MTMR8: variants seen among roughly 807,000 people sequenced by gnomAD.
MTMR8 encodes the protein phosphatidylinositol-3,5-bisphosphate 3-phosphatase MTMR8.
A neutral mutation model predicts 39.3 loss-of-function variants in MTMR8; 65 were observed. The observed-to-expected ratio is 1.65, with a 90% CI of 1.35 to 2.03. The LOEUF is 2.03. Ranked by LOEUF, MTMR8 falls within the 30% of genes most tolerant of loss-of-function variation. The pLI is 0.00. For synonymous variants in MTMR8, 245 were observed against 185.2 expected (o/e 1.32, Z -2.62); for missense variants, 777 against 538.9 (o/e 1.44, Z -4.37).
chrX:64,286,511 G>T lies in MTMR8; in HGVS notation c.1482-15438C>A, dbSNP rs777660824. 2.7e-5 allele frequency among the ~76,000 whole-genome samples: 3 copies of T among 111,456 alleles called. No individual in the cohort carries two copies. In the East Asian group the frequency reaches 8.5e-4, roughly 32 times the overall value. On this transcript the variant is annotated intron_variant, in intron 12 of 13. Transcript: ENST00000374852. ...AAAGCCTGGCAGAGACACAACAAAA[G>T]AAGATAATTTTAGACCAATATCCCT...
At chrX:64,327,683 A>G (rs746253951) in intron 12 of MTMR8, among the ~76,000 whole-genome samples, 162 of 112,635 alleles carry the variant, frequency 1.4e-3, no homozygotes, top group Non-Finnish European at 2.7e-3. Context: ...TACTGGGTAT[A>G]TATCCAAAGA....
At chrX:64,283,044 G>A (rs1350585077) in intron 12 of MTMR8, among the ~76,000 whole-genome samples, 1 of 112,248 alleles carries the variant, frequency 8.9e-6, no homozygotes. Flanking sequence ...CACCCAGGAA[G>A]CGCAAGGGGT....
At chrX:64,381,359 G>A (rs1444096152) in intron 1 of MTMR8, among the ~76,000 whole-genome samples, 1 of 111,407 alleles carries the variant, frequency 9.0e-6, no homozygotes, top group Non-Finnish European at 1.9e-5. Context: ...GTGATGATGA[G>A]CATTTTTTCA....
intron 1 of MTMR8, 59 bp downstream of exon 1, chrX:64,395,281 C>T (rs1924791061): frequency 1.7e-6 from 2 of 1,161,484 alleles, no homozygotes; most frequent in Non-Finnish European, 2.4e-6. Context: ...GTCTGGGCTC[C>T]CAGGTGAGCA....
At chrX:64,289,744 G>A (rs936677907) in intron 12 of MTMR8, among the ~76,000 whole-genome samples, 5 of 107,507 alleles carry the variant, frequency 4.7e-5, no homozygotes, top group Non-Finnish European at 5.7e-5. Context: ...AAATGAGGAA[G>A]CAACCCAACG....
intron 12 of MTMR8, among the ~76,000 whole-genome samples, chrX:64,298,627 T>C (rs1399463136): frequency 3.2e-5 from 3 of 94,750 alleles, no homozygotes; most frequent in Non-Finnish European, 5.7e-5. Flanking sequence ...TGAATAGGAG[T>C]GGTGAGAGAG....
intron 1 of MTMR8, among the ~76,000 whole-genome samples, chrX:64,382,116 A>G (rs970478231): frequency 3.6e-5 from 4 of 111,617 alleles, no homozygotes; most frequent in African/African-American, 1.3e-4. Context: ...TGAACTTTAC[A>G]GTAGTTTTTC....
At chrX:64,306,395 A>C (rs971282580) in intron 12 of MTMR8, 1 of 177,874 alleles carries the variant, frequency 5.6e-6, no homozygotes, top group East Asian at 1.6e-4. Flanking sequence ...AGACTAGAAC[A>C]GGTAGTATTC....
intron 1 of MTMR8, among the ~76,000 whole-genome samples, chrX:64,375,908 T>C (rs144419512): frequency 0.019 from 2,085 of 111,655 alleles, 61 homozygotes; most frequent in African/African-American, 0.065. Context: ...ATCATGAGGG[T>C]GGACTTCCCC....
intron 1 of MTMR8, among the ~76,000 whole-genome samples, chrX:64,378,476 C>G (rs1163715316): frequency 8.9e-6 from 1 of 112,097 alleles, no homozygotes; most frequent in African/African-American, 3.2e-5. Context: ...CTGCCTTGGC[C>G]TCCCAAAATG....
At chrX:64,290,628 C>T (rs760282100) in intron 12 of MTMR8, among the ~76,000 whole-genome samples, 11 of 110,571 alleles carry the variant, frequency 9.9e-5, no homozygotes, top group Non-Finnish European at 2.1e-4. Flanking sequence ...ACCACCTCCT[C>T]GGAGTGTGGA....
At chrX:64,334,122 C>T (rs1471935155) in intron 10 of MTMR8, among the ~76,000 whole-genome samples, 1 of 110,951 alleles carries the variant, frequency 9.0e-6, no homozygotes, top group Non-Finnish European at 1.9e-5. Context: ...CACCACCTCT[C>T]TATCCAACCC....
intron 1 of MTMR8, among the ~76,000 whole-genome samples, chrX:64,381,844 T>C (rs1480375446): frequency 9.0e-6 from 1 of 111,717 alleles, no homozygotes; most frequent in African/African-American, 3.3e-5. Flanking sequence ...TTCCAAGCAC[T>C]ATTTATTAAA....
chrX:64,292,788 C>A (rs757713441), intron 12 of MTMR8, among the ~76,000 whole-genome samples: 2 of 111,310 alleles, frequency 1.8e-5, no homozygotes, highest in South Asian at 7.7e-4. Context: ...AGGGAGCAAA[C>A]TCCACCTAAT....
intron 1 of MTMR8, among the ~76,000 whole-genome samples, chrX:64,385,892 A>G (rs1305302579): frequency 9.0e-6 from 1 of 111,358 alleles, no homozygotes; most frequent in African/African-American, 3.3e-5. Flanking sequence ...ATCAGAGACC[A>G]TTGTTTTGGA....
At chrX:64,296,813 G>A (rs1243805274) in intron 12 of MTMR8, among the ~76,000 whole-genome samples, 1 of 92,923 alleles carries the variant, frequency 1.1e-5, no homozygotes, top group African/African-American at 4.2e-5. Flanking sequence ...TCCCACCTAT[G>A]AGTGAGAATA....
In MTMR8 at chrX:64,268,654, G is replaced by A; in HGVS notation, c.1998C>T (p.Ile666=). ...CCTCAGAAATACCCAAGTTTCCAGA[G>A]ATGCCAGTGGCCTCAGAGATGTCCA... The part of the protein sequence containing the change: ...GAMDISEATG[I]SGNLGISEAR... Residue 666 remains isoleucine (I), a synonymous_variant, in exon 14 of 14, where the codon ATC becomes ATT. Coordinates refer to ENST00000374852, the MANE Select transcript of MTMR8 (RefSeq NM_017677.4). 2 of 1,211,652 alleles carry A rather than the reference G, an allele frequency of 1.7e-6. No individual in the cohort carries two copies. Among genetic ancestry groups the A allele is most frequent in the Non-Finnish European group, 2.2e-6 (2 of 895,532 alleles).
chrX:64,344,952 C>T, intron 7 of MTMR8, 93 bp downstream of exon 7: 14 of 1,015,451 alleles, frequency 1.4e-5, no homozygotes, highest in Non-Finnish European at 1.9e-5. Context: ...CACCTGCTTG[C>T]TTTTATATTC....
intron 1 of MTMR8, among the ~76,000 whole-genome samples, chrX:64,361,990 T>C (rs909332358): frequency 2.7e-5 from 3 of 110,772 alleles, no homozygotes; most frequent in Non-Finnish European, 5.7e-5. Flanking sequence ...ATACCAAATA[T>C]AATATCAACC....
Sources: gnomAD v4.1 joint callset for allele counts (sites outside exome capture counted in the v4.1 genomes callset) on GRCh38, gnomAD v4.1.1 for gene constraint, MANE v1.5 for transcripts, NCBI Gene and HGNC (gene_info 2026-07-23, HGNC 2026-07-21) for gene names.